The following RPS6KC1 variants were observed in gnomAD, a reference collection of about 807,000 sequenced individuals.
The protein encoded by RPS6KC1 is inactive ribosomal protein S6 kinase delta-1.
Under a neutral mutation model 103.8 loss-of-function variants are expected in RPS6KC1, and 54 were observed. The observed-to-expected ratio is 0.52, with a 90% CI of 0.42 to 0.65. The LOEUF (loss-of-function observed/expected upper bound fraction) is 0.65. Among genes scored for constraint, RPS6KC1 ranks in the 30% least tolerant of loss-of-function variants. The pLI is 0.00. For missense variants in RPS6KC1, 1,151 were observed against 1,253.8 expected, an observed-to-expected ratio of 0.92 and a Z score of 1.24; for synonymous variants, 439 against 438.7, an observed-to-expected ratio of 1.00 and a Z score of -0.01.
At chr1:213,663,950 A>G in the RPS6KC1 span, among the ~76,000 whole-genome samples, 3 of 152,332 alleles carry the variant, frequency 2.0e-5, no homozygotes, top group South Asian at 6.2e-4. Flanking sequence ...CACTAGGTAC[A>G]TAGATCAGGG....
At chr1:213,402,082 T>A in the RPS6KC1 span, among the ~76,000 whole-genome samples, 2 of 152,094 alleles carry the variant, frequency 1.3e-5, no homozygotes, top group Non-Finnish European at 2.9e-5. Context: ...AGTGTATTTT[T>A]AAAAAATTCA....
At chr1:213,571,199 A>G in the RPS6KC1 span, among the ~76,000 whole-genome samples, 1 of 152,160 alleles carries the variant, frequency 6.6e-6, no homozygotes, top group Non-Finnish European at 1.5e-5. Flanking sequence ...TTTTTTGGGA[A>G]AGATATTTTA....
chr1:213,279,624 A>C (rs1487078242), downstream of RPS6KC1, among the ~76,000 whole-genome samples: 3 of 152,274 alleles, frequency 2.0e-5, no homozygotes, highest in East Asian at 5.8e-4. Flanking sequence ...CTTAGAAGAC[A>C]TTACATCCTG....
the RPS6KC1 span, among the ~76,000 whole-genome samples, chr1:213,394,893 CAG>C: frequency 6.6e-6 from 1 of 152,250 alleles, no homozygotes; most frequent in African/African-American, 2.4e-5. Flanking sequence ...CAGAAGGAAA[CAG>C]TGCAGCTGCC....
At position 213,078,492 on chromosome 1, in the gene RPS6KC1, C is replaced by G. The variant is rs552757691; in HGVS notation, c.262+676C>G. On this transcript the variant is annotated intron_variant, in intron 3 of 14. Transcript: ENST00000366960. ...TCTTGGCTTACTGCAGCCTCCACCT[C>G]CTGGGTTCAAGTGATTCTCCCGCCT... 5.6e-4 allele frequency among the ~76,000 whole-genome samples: 86 copies of G among 152,262 alleles called. 1 individual carries two copies. The highest frequency in any genetic ancestry group is 1.6e-3 in the African/African-American group (68 of 41,558).
At chr1:213,294,695 G>T in the RPS6KC1 span, among the ~76,000 whole-genome samples, 3 of 152,266 alleles carry the variant, frequency 2.0e-5, no homozygotes, top group East Asian at 5.8e-4. Context: ...GAGAAGAGAA[G>T]TTTGTTATTA....
the RPS6KC1 span, among the ~76,000 whole-genome samples, chr1:213,374,958 C>A: frequency 6.6e-6 from 1 of 152,118 alleles, no homozygotes; most frequent in African/African-American, 2.4e-5. Flanking sequence ...ATATTTACTA[C>A]TACAACGACA....
At chr1:213,129,275 C>T (rs2148991359) in intron 5 of RPS6KC1, among the ~76,000 whole-genome samples, 1 of 152,176 alleles carries the variant, frequency 6.6e-6, no homozygotes, top group Non-Finnish European at 1.5e-5. Context: ...TTTTTGGCAA[C>T]CAAACTAGAT....
At chr1:213,690,596 G>A in the RPS6KC1 span, among the ~76,000 whole-genome samples, 311 of 152,268 alleles carry the variant, frequency 2.0e-3, 1 homozygote, top group Middle Eastern at 0.01. Context: ...CTTTGAAGAG[G>A]TTGCTGTCTA....
chr1:213,603,033 C>T, the RPS6KC1 span, among the ~76,000 whole-genome samples: 15 of 152,302 alleles, frequency 9.8e-5, no homozygotes, highest in Non-Finnish European at 1.9e-4. Flanking sequence ...GTGGAACCTC[C>T]AACTATCCGA....
At chr1:213,552,758 C>G in the RPS6KC1 span, among the ~76,000 whole-genome samples, 3 of 152,302 alleles carry the variant, frequency 2.0e-5, no homozygotes, top group Admixed American at 6.5e-5. Flanking sequence ...TTCTTAGTCA[C>G]TTCTAGCTAG....
At chr1:213,485,308 C>T in the RPS6KC1 span, among the ~76,000 whole-genome samples, 4 of 152,298 alleles carry the variant, frequency 2.6e-5, no homozygotes, top group South Asian at 8.3e-4. Flanking sequence ...TCTACCAACT[C>T]TCTATCCATC....
intron 1 of RPS6KC1, among the ~76,000 whole-genome samples, chr1:213,058,059 CTTTTTTTTTT>C (rs756919339): frequency 6.3e-5 from 7 of 111,948 alleles, no homozygotes; most frequent in Middle Eastern, 6.3e-3. Context: ...TGCGCCTGAC[CTTTTTTTTTT>C]TTTTTTTTTT....
chr1:213,648,346 C>T, the RPS6KC1 span, among the ~76,000 whole-genome samples: 2 of 152,126 alleles, frequency 1.3e-5, no homozygotes, highest in Non-Finnish European at 2.9e-5. Flanking sequence ...CTGTTGCAGA[C>T]ATTTTCAGAC....
At chr1:213,782,007 G>A in the RPS6KC1 span, among the ~76,000 whole-genome samples, 7 of 152,096 alleles carry the variant, frequency 4.6e-5, no homozygotes, top group East Asian at 3.9e-4. Context: ...CAAAATTTTC[G>A]AACCACCCCT....
the RPS6KC1 span, among the ~76,000 whole-genome samples, chr1:213,349,448 C>G: frequency 9.2e-5 from 14 of 152,268 alleles, no homozygotes; most frequent in East Asian, 2.7e-3. Flanking sequence ...GGTGCATCTT[C>G]AAGATGCTTA....
At chr1:213,176,375 T>C in intron 7 of RPS6KC1, 25 bp from the exon 8 acceptor site, 2 of 1,531,104 alleles carry the variant, frequency 1.3e-6, no homozygotes, top group Non-Finnish European at 1.8e-6. Flanking sequence ...CTGATTGATG[T>C]ATAATCTTTG....
At chr1:213,212,389 T>C (rs1356622381) in intron 8 of RPS6KC1, among the ~76,000 whole-genome samples, 2 of 152,186 alleles carry the variant, frequency 1.3e-5, no homozygotes, top group Non-Finnish European at 2.9e-5. Context: ...CATTTAAGGT[T>C]TCTTCATGCT....
Position 213,104,539 on chromosome 1 carries a change from C to T in RPS6KC1, c.348C>T (p.Tyr116=), listed in dbSNP as rs2082296453. 2 of 1,604,330 alleles carry T rather than the reference C, an allele frequency of 1.2e-6. No homozygotes were observed. The highest frequency in any genetic ancestry group is 2.2e-5 in the East Asian group (1 of 44,574). Residue 116 remains tyrosine (Y), a synonymous_variant, in exon 4 of 15, where the codon TAC becomes TAT. Coordinates refer to ENST00000366960, the MANE Select transcript of RPS6KC1 (RefSeq NM_012424.6). ...LQFSANIPAL[Y]NSKQLEDFFK... is the part of the protein sequence containing the mutation. ...TCTCTGCCAATATTCCTGCTCTTTA[C>T]AATAGTAAACAGCTTGAAGACTTTT...
Sources: gnomAD v4.1 joint callset for allele counts (sites outside exome capture counted in the v4.1 genomes callset) on GRCh38, gnomAD v4.1.1 for gene constraint, MANE v1.5 for transcripts, NCBI Gene and HGNC (gene_info 2026-07-23, HGNC 2026-07-21) for gene names.